The following GPATCH2 variants were observed in gnomAD, a reference collection of about 807,000 sequenced individuals.
GPATCH2 encodes the protein G patch domain-containing protein 2.
In GPATCH2, 51 loss-of-function variants were observed where a neutral mutation model predicts 58.0. The ratio of observed to expected loss-of-function variants is 0.88; its 90% CI spans 0.70 to 1.11. The LOEUF (loss-of-function observed/expected upper bound fraction) is 1.11. Among genes scored for constraint, GPATCH2 ranks in the 50% most tolerant of loss-of-function variants. The pLI is 0.00. For missense variants in GPATCH2, 625 were observed against 652.2 expected (o/e 0.96, Z 0.45); for synonymous variants, 222 against 218.5 (o/e 1.02, Z -0.14).
At chr1:217,534,578 A>G (rs1016274711) in intron 5 of GPATCH2, among the ~76,000 whole-genome samples, 1 of 39,730 alleles carries the variant, frequency 2.5e-5, no homozygotes. Flanking sequence ...GTCTGTGAAA[A>G]AAAAAAAAAA....
At chr1:217,608,999 T>C in intron 5 of GPATCH2, 1 of 971,260 alleles carries the variant, frequency 1.0e-6, no homozygotes, top group Non-Finnish European at 1.2e-6. Flanking sequence ...ACTTGAAGTT[T>C]CTTTTCCAAT....
At chr1:217,616,714 A>T (rs1174279941) in intron 2 of GPATCH2, among the ~76,000 whole-genome samples, 1 of 152,182 alleles carries the variant, frequency 6.6e-6, no homozygotes, top group African/African-American at 2.4e-5. Flanking sequence ...ATCTCCAAAG[A>T]CACCCTTTCC....
At chr1:217,596,726 GAAGT>G (rs1667848822) in intron 5 of GPATCH2, among the ~76,000 whole-genome samples, 1 of 151,870 alleles carries the variant, frequency 6.6e-6, no homozygotes, top group Non-Finnish European at 1.5e-5. Flanking sequence ...CCATTTTTTC[GAAGT>G]GTAAAAAGCA....
intron 8 of GPATCH2, among the ~76,000 whole-genome samples, chr1:217,459,498 A>C (rs1404024359): frequency 2.6e-5 from 4 of 152,156 alleles, no homozygotes; most frequent in Non-Finnish European, 5.9e-5. Context: ...TGTTTACCTC[A>C]TTCTCAGCTA....
In GPATCH2 at chr1:217,484,577, T is replaced by TATATAG. The variant is rs1553328485; in HGVS notation, c.1277+7102_1277+7103insCTATAT. Among the ~76,000 whole-genome samples, 597 of 145,626 alleles carry TATATAG rather than the reference T, an allele frequency of 4.1e-3. 19 individuals are homozygous for TATATAG. The highest frequency in any genetic ancestry group is 8.1e-3 in the African/African-American group (323 of 39,988). On this transcript the variant is annotated intron_variant, in intron 8 of 9. Transcript: ENST00000366935. ...TTATTTATATATATATATATATATA[T>TATATAG]GATGCACATATACACGTGTGCATAT... is the stretch of plus-strand genomic sequence containing the variant.
intron 5 of GPATCH2, among the ~76,000 whole-genome samples, chr1:217,570,177 T>C (rs550634025): frequency 1.2e-3 from 185 of 152,266 alleles, no homozygotes; most frequent in African/African-American, 4.2e-3. Flanking sequence ...AGTGGCTCAA[T>C]CTCGGCTGAA....
chr1:217,464,493 G>A (rs79375674), intron 8 of GPATCH2, among the ~76,000 whole-genome samples: 1,578 of 152,286 alleles, frequency 0.01, 29 homozygotes, highest in African/African-American at 0.036. Context: ...TTATAAATGA[G>A]TGCAAGAGGA....
chr1:217,576,958 T>C (rs1205898651), intron 5 of GPATCH2, among the ~76,000 whole-genome samples: 1 of 152,228 alleles, frequency 6.6e-6, no homozygotes, highest in Admixed American at 6.5e-5. Context: ...TTTTGCTGCA[T>C]AGTTTTTTAA....
chr1:217,598,318 C>T (rs1667945690), intron 5 of GPATCH2, among the ~76,000 whole-genome samples: 1 of 151,992 alleles, frequency 6.6e-6, no homozygotes, highest in African/African-American at 2.4e-5. Flanking sequence ...AACCTGGGAA[C>T]TGGAGGTTGC....
At chr1:217,467,462 T>C (rs1394267982) in intron 8 of GPATCH2, among the ~76,000 whole-genome samples, 1 of 151,872 alleles carries the variant, frequency 6.6e-6, no homozygotes, top group African/African-American at 2.4e-5. Flanking sequence ...CAAATAAAAA[T>C]AGAAAAAAGA....
At chr1:217,544,828 T>G (rs1664950584) in intron 5 of GPATCH2, among the ~76,000 whole-genome samples, 1 of 152,236 alleles carries the variant, frequency 6.6e-6, no homozygotes, top group South Asian at 2.1e-4. Flanking sequence ...ACTTTTTCAT[T>G]TCCTGCCCTG....
intron 5 of GPATCH2, among the ~76,000 whole-genome samples, chr1:217,555,320 T>A (rs899100097): frequency 6.6e-6 from 1 of 152,178 alleles, no homozygotes; most frequent in Non-Finnish European, 1.5e-5. Flanking sequence ...TTTATAAGGT[T>A]ATAGAGGAAT....
intron 5 of GPATCH2, among the ~76,000 whole-genome samples, chr1:217,530,671 A>G (rs1664142415): frequency 6.6e-6 from 1 of 152,162 alleles, no homozygotes; most frequent in South Asian, 2.1e-4. Context: ...TTTTCTCGTG[A>G]TTGTATCAGA....
At chr1:217,520,846 T>C (rs1324337823) in intron 5 of GPATCH2, among the ~76,000 whole-genome samples, 1 of 152,246 alleles carries the variant, frequency 6.6e-6, no homozygotes, top group Non-Finnish European at 1.5e-5. Context: ...TAAGTGTATT[T>C]ACTTATTTGA....
Sources: gnomAD v4.1 joint callset for allele counts (sites outside exome capture counted in the v4.1 genomes callset) on GRCh38, gnomAD v4.1.1 for gene constraint, MANE v1.5 for transcripts, NCBI Gene and HGNC (gene_info 2026-07-23, HGNC 2026-07-21) for gene names.